PARP10: variants seen among roughly 807,000 people sequenced by gnomAD.
PARP10 encodes poly(ADP-ribose) polymerase family member 10.
PARP10 carries 56 observed loss-of-function variants against 82.4 expected under a neutral mutation model. That is an observed-to-expected ratio of 0.68 (90% CI 0.55 to 0.85). PARP10 has a LOEUF of 0.85. Among genes scored for constraint, PARP10 ranks in the 40% least tolerant of loss-of-function variants. The pLI is 0.00. For synonymous variants in PARP10, 576 were observed against 601.1 expected, an observed-to-expected ratio of 0.96 and a Z score of 0.61; for missense variants, 1,227 against 1,379.4, an observed-to-expected ratio of 0.89 and a Z score of 1.75.
chr8:143,979,214 C>T (rs1587447651), intron 9 of PARP10, among the ~76,000 whole-genome samples: 2 of 152,042 alleles, frequency 1.3e-5, no homozygotes, highest in South Asian at 4.2e-4. Context: ...ACCTCGTGAT[C>T]CGCCCGCCTC....
chr8:143,992,805 G>C (rs961135033), upstream of PARP10: 3 of 1,613,686 alleles, frequency 1.9e-6, no homozygotes, highest in African/African-American at 4.0e-5. Flanking sequence ...ACATCTTCCT[G>C]TACATCCTCA....
At position 143,982,916 on chromosome 8, in the gene PARP10, C is replaced by T. The variant is rs372971555; in HGVS notation, c.2556+16G>A. 7.7e-4 allele frequency: 1,247 copies of T among 1,612,350 alleles called. 1 individual carries two copies. Among genetic ancestry groups the T allele is most frequent in the Admixed American group, 1.5e-3 (89 of 59,972 alleles). ...CCAGGACGCCATGAGGCCAGAGAGA[C>T]AGGGCATGGACTCACACGAACGACG... On this transcript the variant is annotated intron_variant, in intron 9 of 10. Transcript: ENST00000313028.
upstream of PARP10, chr8:143,991,359 C>T (rs782411185): frequency 6.4e-6 from 8 of 1,248,736 alleles, no homozygotes; most frequent in South Asian, 3.0e-5. Flanking sequence ...CCCACAGCCC[C>T]CTTTCCAGCC....
chr8:143,987,606 C>G (rs1834013082), upstream of PARP10, among the ~76,000 whole-genome samples: 1 of 152,170 alleles, frequency 6.6e-6, no homozygotes, highest in Non-Finnish European at 1.5e-5. Context: ...AACCAAAGTC[C>G]TGGGGGCCGG....
Position 143,985,541 on chromosome 8 carries a change from C to A in PARP10, c.544G>T (p.Ala182Ser). The change falls in exon 4 of 11, where the codon GCC (alanine) becomes TCC (serine). Residue 182 changes from alanine (A) to serine (S), a missense_variant. Transcript: ENST00000313028. ...TCCAGCAACAGCAGGTCCACAGAGGCACCATCCCCCACCACACGCACCGCT... is the reference window on the plus strand; with the variant it reads ...TCCAGCAACAGCAGGTCCACAGAGGAACCATCCCCCACCACACGCACCGCT... The part of the protein sequence containing the change: ...ARAVRVVGDG[A>S]SVDLLLLELY... 6.2e-7 allele frequency: 1 copy of A among 1,614,022 alleles called. No individual in the cohort carries two copies. The highest frequency in any genetic ancestry group is 8.5e-7 in the Non-Finnish European group (1 of 1,179,956).
At chr8:143,979,794 G>A (rs1312936137) in intron 9 of PARP10, among the ~76,000 whole-genome samples, 1 of 152,124 alleles carries the variant, frequency 6.6e-6, no homozygotes, top group African/African-American at 2.4e-5. Flanking sequence ...GGGAGGCCGA[G>A]GTGGGCGGAT....
intron 9 of PARP10, among the ~76,000 whole-genome samples, chr8:143,980,318 T>TAAAAAAAAAAAAAAAAAAAAAAAA (rs1564247548): frequency 6.4e-5 from 1 of 15,680 alleles, no homozygotes; most frequent in African/African-American, 1.4e-4. Context: ...AGATTCCGTC[T>TAAAAAAAAAAAAAAAAAAAAAAAA]CAAAAAAAAA....
At position 143,983,635 on chromosome 8, in the gene PARP10, C is replaced by G; in HGVS notation, c.1954G>C (p.Glu652Gln). The G allele has an allele frequency of 6.2e-7, 1 of 1,605,828 alleles. No individual in the cohort carries two copies. The highest frequency in any genetic ancestry group is 2.2e-5 in the East Asian group (1 of 44,630). ...AGGGCCAGCTGCAGAGCGGCCTCCT[C>G]CTCCAGCCACCTGGGTGCCACAGTG... ...PSTVAPRWLE[E>Q]EAALQLALHR... Residue 652 changes from glutamate (E) to glutamine (Q), a missense_variant, in exon 8 of 11, where the codon GAG becomes CAG. Coordinates refer to ENST00000313028, the MANE Select transcript of PARP10 (RefSeq NM_032789.5).
At chr8:143,980,850 A>G (rs565437464) in intron 9 of PARP10, among the ~76,000 whole-genome samples, 25 of 152,242 alleles carry the variant, frequency 1.6e-4, no homozygotes, top group African/African-American at 5.8e-4. Context: ...TTTTTTCATT[A>G]TTATAGTATG....
rs148580746 is a variant in PARP10 at position 143,983,253 on chromosome 8, G to A, written c.2336C>T (p.Ala779Val). Residue 779 changes from alanine (A) to valine (V), a missense_variant, in exon 8 of 11, where the codon GCC (alanine) becomes GTC (valine). Coordinates refer to ENST00000313028, the MANE Select transcript of PARP10 (RefSeq NM_032789.5). ...TGCCACCAAGTGGCGGGCAGCACGG[G>A]CAGGGTGGGCCCCGAAGCCACGGAG... ...TILRGFGAHP[A>V]RAARHLVALL... 4.3e-5 allele frequency: 69 copies of A among 1,613,142 alleles called. No homozygotes were observed. In the African/African-American group the frequency reaches 6.3e-4, roughly 15 times the overall value.
At chr8:143,989,544 C>G (rs557170775), upstream of PARP10, 2 of 152,258 alleles carry the variant, frequency 1.3e-5, no homozygotes, top group South Asian at 4.1e-4. This position sits in a 1 kb window ranked among gnomAD's most constrained non-coding sequence, Gnocchi z 4.3. Flanking sequence ...CCATGGCATG[C>G]CTGTATCAAA....
upstream of PARP10, chr8:143,986,644 C>G (rs2077638423): frequency 3.5e-6 from 2 of 570,592 alleles, no homozygotes; most frequent in Non-Finnish European, 6.3e-6. Flanking sequence ...CCCTACCTGG[C>G]CCACTCCAGC....
intron 1 of PARP10, among the ~76,000 whole-genome samples, chr8:144,005,052 G>T (rs985104788): frequency 6.6e-6 from 1 of 151,902 alleles, no homozygotes; most frequent in African/African-American, 2.4e-5. Context: ...GGTGGTGGGC[G>T]CCTGTAATCC....
chr8:143,984,343 T>G lies in PARP10; in HGVS notation c.1547A>C (p.Glu516Ala). 6.2e-7 allele frequency: 1 copy of G among 1,613,748 alleles called. No individual in the cohort carries two copies. The highest frequency in any genetic ancestry group is 1.1e-5 in the South Asian group (1 of 91,084). ...GSISCHVLCL[E>A]HPGSARFLLG... ...GAGAAACCTGGCGCTGCCCGGGTGC[T>G]CCAGGCACAACACATGGCAGCTAAT... Residue 516 changes from glutamate to alanine, a missense_variant, in exon 6 of 11, where the codon GAG becomes GCG. Transcript: ENST00000313028.
At chr8:143,979,011 C>T (rs1332513797) in intron 9 of PARP10, among the ~76,000 whole-genome samples, 5 of 150,288 alleles carry the variant, frequency 3.3e-5, no homozygotes, top group Admixed American at 6.7e-5. Flanking sequence ...CTGGCTGTGT[C>T]GCCCAGGCTG....
upstream of PARP10, chr8:143,992,572 C>T (rs782480856): frequency 2.2e-5 from 35 of 1,614,060 alleles, no homozygotes; most frequent in East Asian, 4.5e-5. Context: ...TCCTGGAGAT[C>T]GTGTACGCCT....
upstream of PARP10, chr8:143,991,337 TG>T: frequency 4.4e-6 from 6 of 1,366,258 alleles, no homozygotes; most frequent in Non-Finnish European, 5.0e-6. Context: ...CTCCCTACCC[TG>T]GGGCCCCTTA....
chr8:143,989,325 A>G (rs1291247465), upstream of PARP10, among the ~76,000 whole-genome samples: 1 of 152,250 alleles, frequency 6.6e-6, no homozygotes, highest in Non-Finnish European at 1.5e-5. The surrounding 1 kb of genome is among the most constrained non-coding windows in gnomAD (Gnocchi z 4.3). Context: ...AGCCCCTCGC[A>G]GCTTGTGAGG....
intron 1 of PARP10, among the ~76,000 whole-genome samples, chr8:144,000,827 G>A (rs1300965169): frequency 6.6e-6 from 1 of 151,798 alleles, no homozygotes; most frequent in Non-Finnish European, 1.5e-5. Flanking sequence ...AGACAGGATC[G>A]CTTGAGCCCA....
Sources: allele counts gnomAD v4.1 joint callset (sites outside exome capture counted in the v4.1 genomes callset), GRCh38; gene constraint gnomAD v4.1.1; non-coding constraint Gnocchi (gnomAD v3.1); transcripts MANE v1.5; gene names NCBI Gene and HGNC (gene_info 2026-07-23, HGNC 2026-07-21).